Variants in DENND2B observed in about 807,000 individuals in gnomAD.
DENND2B encodes DENN domain containing 2B, also known as DENN domain-containing protein 2B.
DENND2B carries 32 observed loss-of-function variants against 116.0 expected under a neutral mutation model. The ratio of observed to expected loss-of-function variants is 0.28; its 90% CI spans 0.21 to 0.37. The LOEUF (loss-of-function observed/expected upper bound fraction) is 0.37, where lower values mean the gene tolerates loss of function less well. DENND2B is among the 10% of genes least tolerant of loss of function. The probability of loss-of-function intolerance (pLI) is 1.00; values close to 1 mark genes in which losing one functional copy is unlikely to be tolerated. For missense variants in DENND2B, 1,276 were observed against 1,477.7 expected, an observed-to-expected ratio of 0.86 and a Z score of 2.24; for synonymous variants, 588 against 583.9, an observed-to-expected ratio of 1.01 and a Z score of -0.10.
At chr11:8,786,852 A>G (rs1235243968) in intron 1 of DENND2B, among the ~76,000 whole-genome samples, 1 of 152,130 alleles carries the variant, frequency 6.6e-6, no homozygotes, top group Non-Finnish European at 1.5e-5. Context: ...AAAAAAAACA[A>G]GATTAGAACA....
chr11:8,882,155 G>A (rs1357999754), intron 1 of DENND2B, among the ~76,000 whole-genome samples: 2 of 152,022 alleles, frequency 1.3e-5, no homozygotes, highest in Admixed American at 1.3e-4. Context: ...CTACCTTGTG[G>A]ATATCTGCAC....
intron 1 of DENND2B, among the ~76,000 whole-genome samples, chr11:8,790,745 T>C (rs1384679981): frequency 2.0e-5 from 3 of 152,096 alleles, no homozygotes; most frequent in Non-Finnish European, 4.4e-5. Context: ...CTCCAGCCCG[T>C]GCAACAGAGC....
chr11:8,710,935 G>C, intron 10 of DENND2B, 21 bp from the exon 11 acceptor site: 1 of 1,613,754 alleles, frequency 6.2e-7, no homozygotes, highest in Non-Finnish European at 8.5e-7. Flanking sequence ...GAGAGGTCTG[G>C]CATCAGGGAG....
At chr11:8,695,329 ATGTCTACATCCTGTTC>A (rs1022443706) in intron 19 of DENND2B, 118 bp downstream of exon 19, 3 of 811,606 alleles carry the variant, frequency 3.7e-6, no homozygotes, top group Admixed American at 4.2e-5. Context: ...TCACTATGGG[ATGTCTACATCCTGTTC>A]TGTCTACAGC....
intron 4 of DENND2B, chr11:8,718,417 C>T (rs755375352): frequency 9.8e-6 from 15 of 1,528,102 alleles, no homozygotes; most frequent in South Asian, 2.4e-5. Flanking sequence ...TTCGCCAGGC[C>T]CCCTTCTCAC....
Position 8,712,077 on chromosome 11 carries a change from G to T in DENND2B, c.2172+474C>A. ...GCAGAGAGAGAGGGGTTGAGTGTGA[G>T]AGGAAGAAGAGGGAGGCCAGGCTGG... On this transcript the variant is annotated intron_variant, in intron 9 of 19. Coordinates refer to ENST00000313726, the MANE Select transcript of DENND2B (RefSeq NM_213618.2). The surrounding 1 kb of genome is among the most constrained non-coding windows in gnomAD (Gnocchi z 4.4). The T allele has an allele frequency of 2.3e-6, 1 of 432,048 alleles. No individual in the cohort carries two copies. The highest frequency in any genetic ancestry group is 1.6e-5 in the South Asian group (1 of 62,740). 26.8% of individuals were successfully genotyped at this position (432,048 alleles called of 1,614,324 possible).
intron 4 of DENND2B, among the ~76,000 whole-genome samples, chr11:8,824,714 A>G (rs1325691330): frequency 1.3e-5 from 2 of 150,200 alleles, no homozygotes; most frequent in African/African-American, 4.9e-5. Context: ...TTGGAGACAG[A>G]GTCTTACTCT....
At chr11:8,769,552 G>A (rs1224873589) in intron 1 of DENND2B, among the ~76,000 whole-genome samples, 1 of 152,002 alleles carries the variant, frequency 6.6e-6, no homozygotes, top group African/African-American at 2.4e-5. Context: ...GAACCACTGC[G>A]CCTGGTCATA....
chr11:8,901,233 T>TC (rs201151899), intron 1 of DENND2B, among the ~76,000 whole-genome samples: 18,754 of 102,414 alleles, frequency 0.18, 1,023 homozygotes, highest in Middle Eastern at 0.28. Flanking sequence ...TCTTTTCTTT[T>TC]TTTTTTTTTT....
chr11:8,777,638 C>T (rs1405237489), intron 1 of DENND2B, among the ~76,000 whole-genome samples: 2 of 152,208 alleles, frequency 1.3e-5, no homozygotes, highest in Admixed American at 6.5e-5. Flanking sequence ...GAATCAAGTG[C>T]TCAAAGCTAC....
intron 11 of DENND2B, among the ~76,000 whole-genome samples, chr11:8,709,291 T>C (rs1271271486): frequency 6.6e-6 from 1 of 152,108 alleles, no homozygotes; most frequent in Non-Finnish European, 1.5e-5. Context: ...AGTGATTAAA[T>C]CAAGTATGTG....
At chr11:8,886,640 A>G (rs982778249) in intron 1 of DENND2B, among the ~76,000 whole-genome samples, 4 of 151,786 alleles carry the variant, frequency 2.6e-5, no homozygotes, top group Admixed American at 2.6e-4. Flanking sequence ...AAGGGCACCG[A>G]GAAATTTTAG....
chr11:8,778,281 C>T (rs558999239), intron 1 of DENND2B, among the ~76,000 whole-genome samples: 6 of 152,346 alleles, frequency 3.9e-5, no homozygotes, highest in African/African-American at 1.4e-4. Flanking sequence ...CAGACAGTAT[C>T]ACTTCCTACT....
intron 3 of DENND2B, among the ~76,000 whole-genome samples, chr11:8,844,068 GA>G (rs2062718492): frequency 6.6e-6 from 1 of 152,134 alleles, no homozygotes; most frequent in African/African-American, 2.4e-5. Flanking sequence ...CAGTAGTAAA[GA>G]CGTACTTTCT....
intron 1 of DENND2B, among the ~76,000 whole-genome samples, chr11:8,882,602 T>TTAATCA (rs1359674577): frequency 6.6e-6 from 1 of 152,256 alleles, no homozygotes; most frequent in Non-Finnish European, 1.5e-5. Flanking sequence ...TAATAATTAA[T>TTAATCA]TAATCATAGA....
intron 1 of DENND2B, among the ~76,000 whole-genome samples, chr11:8,777,432 G>A (rs747820443): frequency 1.3e-5 from 2 of 152,190 alleles, no homozygotes; most frequent in South Asian, 2.1e-4. Context: ...CTGGAGTGGC[G>A]TCTCACTGCT....
rs892896235 is a variant in DENND2B at position 8,715,787 on chromosome 11, C to T, written c.1661G>A (p.Arg554His). The stretch of plus-strand genomic sequence containing the variant: ...CTTCCTTTCTGACCAGTTCCCACTG[C>T]GCAGGGACTGGCTGTTGGGTTTCAG... Reference protein sequence around the residue: ...LSLKPNSQSLRSGNWSERKSH... With the variant: ...LSLKPNSQSLHSGNWSERKSH... The change falls in exon 6 of 20, where the codon CGC becomes CAC. Residue 554 changes from arginine (R) to histidine (H), a missense_variant. Arg to His is a conservative substitution (Grantham distance 29, BLOSUM62 0). Around this residue, in one of 2 missense-constraint regions of DENND2B, gnomAD observed 856 missense variants for 846.6 expected, o/e 1.01. Coordinates refer to ENST00000313726, the MANE Select transcript of DENND2B (RefSeq NM_213618.2). The T allele has an allele frequency of 2.7e-5, 43 of 1,608,410 alleles. No individual in the cohort carries two copies. Among genetic ancestry groups the T allele is most frequent in the Middle Eastern group, 1.7e-4 (1 of 6,016 alleles).
chr11:8,762,197 T>TC (rs2054781941), intron 1 of DENND2B, among the ~76,000 whole-genome samples: 1 of 152,184 alleles, frequency 6.6e-6, no homozygotes, highest in Non-Finnish European at 1.5e-5. Flanking sequence ...TATAAGGCCC[T>TC]CCATTGTCTG....
intron 1 of DENND2B, among the ~76,000 whole-genome samples, chr11:8,886,989 C>T (rs190989710): frequency 2.0e-5 from 3 of 152,154 alleles, no homozygotes; most frequent in South Asian, 2.1e-4. Flanking sequence ...CCACCACACC[C>T]GGCTAATTTT....
Sources: gnomAD v4.1 joint callset for allele counts (sites outside exome capture counted in the v4.1 genomes callset) on GRCh38, gnomAD v4.1.1 for gene constraint, gnomAD v4.1.1 regional missense constraint, Gnocchi (gnomAD v3.1) non-coding constraint, MANE v1.5 for transcripts, NCBI Gene and HGNC (gene_info 2026-07-23, HGNC 2026-07-21) for gene names.